Variants in CDK14 observed in about 807,000 individuals in gnomAD.
The protein encoded by CDK14 is cyclin-dependent kinase 14.
Under a neutral mutation model 60.7 loss-of-function variants are expected in CDK14, and 34 were observed. That is an observed-to-expected ratio of 0.56 (90% confidence interval 0.43 to 0.75). CDK14 has a LOEUF of 0.75. CDK14 is among the 30% of genes least tolerant of loss of function. CDK14 has a pLI of 0.00. For synonymous variants in CDK14, 197 were observed against 203.7 expected, an observed-to-expected ratio of 0.97 and a Z score of 0.28; for missense variants, 482 against 564.1, an observed-to-expected ratio of 0.85 and a Z score of 1.47.
chr7:90,964,429 G>T (rs1794697573), intron 9 of CDK14, among the ~76,000 whole-genome samples: 1 of 152,158 alleles, frequency 6.6e-6, no homozygotes, highest in South Asian at 2.1e-4. Flanking sequence ...AGTTGAACAA[G>T]TTCCTTAGCT....
In CDK14 at chr7:90,614,518, A is replaced by G. The variant is rs1362862345; in HGVS notation, c.123+10269A>G. On this transcript the variant is annotated intron_variant, in intron 2 of 14. Coordinates refer to ENST00000380050, the MANE Select transcript of CDK14 (RefSeq NM_001287135.2). ...AATCTATTTTATTTTCAATGTGTAA[A>G]GTTCTGGTTATTTTTCCAACTTACT... Among the ~76,000 whole-genome samples the G allele has an allele frequency of 4.6e-5, 7 of 152,038 alleles. No homozygotes were observed. The East Asian group carries it at 1.4e-3, about 29-fold the overall frequency.
At chr7:91,037,019 T>G (rs1026480049) in intron 10 of CDK14, among the ~76,000 whole-genome samples, 3 of 152,256 alleles carry the variant, frequency 2.0e-5, no homozygotes, top group African/African-American at 7.2e-5. Context: ...CTAATCTCTT[T>G]TGACTTCTAG....
chr7:90,845,111 C>T (rs1790424255), intron 5 of CDK14, among the ~76,000 whole-genome samples: 1 of 152,094 alleles, frequency 6.6e-6, no homozygotes, highest in Admixed American at 6.6e-5. Context: ...AGGATTTTTA[C>T]TTATTTTTTT....
At chr7:91,148,242 C>T (rs1219254123) in intron 14 of CDK14, among the ~76,000 whole-genome samples, 1 of 151,960 alleles carries the variant, frequency 6.6e-6, no homozygotes, top group African/African-American at 2.4e-5. Context: ...TAGCCAGGTC[C>T]AGTGTGGTGG....
At chr7:90,864,477 T>C (rs1013482194) in intron 6 of CDK14, among the ~76,000 whole-genome samples, 1 of 152,178 alleles carries the variant, frequency 6.6e-6, no homozygotes, top group Non-Finnish European at 1.5e-5. Flanking sequence ...CAGTTAAATC[T>C]AGATTTTCTT....
intron 5 of CDK14, among the ~76,000 whole-genome samples, chr7:90,852,804 T>C (rs1284964757): frequency 6.6e-6 from 1 of 152,168 alleles, no homozygotes; most frequent in Non-Finnish European, 1.5e-5. Context: ...ACAAGGCCAC[T>C]GCTGAGTAGA....
At chr7:91,085,980 CT>C (rs1798627268) in intron 12 of CDK14, among the ~76,000 whole-genome samples, 1 of 152,134 alleles carries the variant, frequency 6.6e-6, no homozygotes. Context: ...GATTTAGGAA[CT>C]GAATTTTTTT....
chr7:91,150,046 G>T (rs571815803), intron 14 of CDK14, among the ~76,000 whole-genome samples: 57 of 152,268 alleles, frequency 3.7e-4, no homozygotes, highest in African/African-American at 1.3e-3. Context: ...AGGGCTTCAG[G>T]GTTCCAAGTG....
At chr7:91,114,735 G>C (rs1799558788) in intron 13 of CDK14, among the ~76,000 whole-genome samples, 1 of 152,126 alleles carries the variant, frequency 6.6e-6, no homozygotes, top group Non-Finnish European at 1.5e-5. Flanking sequence ...TGCTATTTCT[G>C]TGTCTAGAAG....
chr7:90,894,422 G>A (rs1326602038), intron 6 of CDK14, among the ~76,000 whole-genome samples: 1 of 152,150 alleles, frequency 6.6e-6, no homozygotes, highest in Non-Finnish European at 1.5e-5. Flanking sequence ...CACATAGTAC[G>A]TTTTCGTGCC....
At chr7:90,980,015 A>G (rs1795187747) in intron 9 of CDK14, among the ~76,000 whole-genome samples, 1 of 152,136 alleles carries the variant, frequency 6.6e-6, no homozygotes, top group Non-Finnish European at 1.5e-5. Flanking sequence ...CAAATTATGT[A>G]AGTTTCAATC....
chr7:90,699,202 A>G (rs1374545826), intron 2 of CDK14, among the ~76,000 whole-genome samples: 2 of 152,232 alleles, frequency 1.3e-5, no homozygotes, highest in Non-Finnish European at 2.9e-5. Context: ...CTGACAGCCC[A>G]TGGCTGATAC....
At chr7:90,667,792 A>G (rs1478008157) in intron 2 of CDK14, among the ~76,000 whole-genome samples, 1 of 152,026 alleles carries the variant, frequency 6.6e-6, no homozygotes, top group East Asian at 1.9e-4. Flanking sequence ...GATGGTCTCA[A>G]TCTCCTGACT....
intron 10 of CDK14, among the ~76,000 whole-genome samples, chr7:90,991,403 T>C (rs1285534890): frequency 1.3e-5 from 2 of 152,094 alleles, no homozygotes; most frequent in African/African-American, 2.4e-5. Context: ...GGGATGTTCA[T>C]GTTTTGGGGG....
intron 12 of CDK14, among the ~76,000 whole-genome samples, chr7:91,097,850 C>T (rs1427718547): frequency 6.6e-6 from 1 of 152,158 alleles, no homozygotes; most frequent in Admixed American, 6.6e-5. Context: ...TTTCCTTCCC[C>T]TTTGTATATC....
chr7:90,605,778 G>A (rs1284871062), intron 2 of CDK14, among the ~76,000 whole-genome samples: 1 of 152,042 alleles, frequency 6.6e-6, no homozygotes, highest in Non-Finnish European at 1.5e-5. Context: ...ATTATATCCC[G>A]CTTTTTTCTT....
chr7:90,902,051 G>T (rs1280782701), intron 7 of CDK14, among the ~76,000 whole-genome samples: 11 of 152,042 alleles, frequency 7.2e-5, no homozygotes, highest in Non-Finnish European at 2.9e-5. Flanking sequence ...AACCAAGGAA[G>T]ATGAAAGATC....
At chr7:90,897,598 C>T (rs1792378790) in intron 6 of CDK14, among the ~76,000 whole-genome samples, 1 of 151,928 alleles carries the variant, frequency 6.6e-6, no homozygotes, top group East Asian at 1.9e-4. Context: ...TTCTCTCGTT[C>T]TTTATTTGTC....
intron 8 of CDK14, among the ~76,000 whole-genome samples, chr7:90,936,275 T>C (rs1454565092): frequency 6.6e-6 from 1 of 152,212 alleles, no homozygotes; most frequent in Non-Finnish European, 1.5e-5. Context: ...TTATTTGTTG[T>C]CCCAAATGAA....
Sources: gnomAD v4.1 joint callset for allele counts (sites outside exome capture counted in the v4.1 genomes callset) on GRCh38, gnomAD v4.1.1 for gene constraint, MANE v1.5 for transcripts, NCBI Gene and HGNC (gene_info 2026-07-23, HGNC 2026-07-21) for gene names.